RANBP3: variants seen among roughly 807,000 people sequenced by gnomAD.
RANBP3 encodes ran-binding protein 3.
Under a neutral mutation model 77.3 loss-of-function variants are expected in RANBP3, and 14 were observed. That is an observed-to-expected ratio of 0.18 (90% confidence interval 0.12 to 0.28). The LOEUF (loss-of-function observed/expected upper bound fraction) is 0.28. Among genes scored for constraint, RANBP3 ranks in the 10% least tolerant of loss-of-function variants. RANBP3 has a pLI of 1.00. For missense variants in RANBP3, 586 were observed against 752.3 expected (o/e 0.78, Z 2.59); for synonymous variants, 315 against 312.4 (o/e 1.01, Z -0.09).
intron 10 of RANBP3, chr19:5,925,245 A>G (rs1010465893): frequency 2.1e-6 from 1 of 475,048 alleles, no homozygotes; most frequent in African/African-American, 2.0e-5. Flanking sequence ...ATGTCAGTCA[A>G]GGACATGATG....
At chr19:5,935,383 G>C (rs900552165) in intron 5 of RANBP3, among the ~76,000 whole-genome samples, 1 of 152,236 alleles carries the variant, frequency 6.6e-6, no homozygotes, top group Non-Finnish European at 1.5e-5. Flanking sequence ...TGCAGGATGC[G>C]GGGGTGAGCC....
chr19:5,922,506 G>A (rs2057835939), intron 13 of RANBP3, among the ~76,000 whole-genome samples: 1 of 152,226 alleles, frequency 6.6e-6, no homozygotes, highest in Admixed American at 6.5e-5. Context: ...AGGGGACGGT[G>A]GGGTGGAACC....
chr19:5,928,845 G>A (rs547241718), intron 8 of RANBP3, among the ~76,000 whole-genome samples: 11 of 152,300 alleles, frequency 7.2e-5, no homozygotes, highest in African/African-American at 2.6e-4. Context: ...CTAGTAATTT[G>A]TATATGTCTT....
Position 5,945,094 on chromosome 19 carries a change from G to A in RANBP3, c.283-3259C>T, listed in dbSNP as rs185676011. Among the ~76,000 whole-genome samples, 447 of 152,272 alleles carry A rather than the reference G, an allele frequency of 2.9e-3. 1 individual carries two copies. The highest frequency in any genetic ancestry group is 6.8e-3 in the Middle Eastern group (2 of 294). The stretch of plus-strand genomic sequence containing the variant: ...TCTCTGTGGCTTATTCTGATCCTGG[G>A]AGTTGTGTCAGGGACTCCACTAGAC... On this transcript the variant is annotated intron_variant, in intron 3 of 16. Transcript: ENST00000340578.
At chr19:5,932,211 C>T (rs1015202178) in intron 7 of RANBP3, among the ~76,000 whole-genome samples, 1 of 152,214 alleles carries the variant, frequency 6.6e-6, no homozygotes, top group Non-Finnish European at 1.5e-5. Context: ...CACACAGTCA[C>T]ACTCAGCCGA....
Position 5,923,835 on chromosome 19 carries a change from G to T in RANBP3, c.1076C>A (p.Ser359Tyr). ...AAAESGSESS[S>Y]QEATPEKESL... The stretch of plus-strand genomic sequence containing the variant: ...ACCTTTCTCAGGGGTGGCCTCCTGG[G>T]ACGAGGACTCAGACCCTGACTCGGC... Residue 359 changes from serine to tyrosine, a missense_variant, in exon 12 of 17, where the codon TCC (serine) becomes TAC (tyrosine). Ser to Tyr is a moderately radical substitution (Grantham distance 144). Transcript: ENST00000340578. 1 of 1,613,958 alleles carries T rather than the reference G, an allele frequency of 6.2e-7. No individual in the cohort carries two copies. Among genetic ancestry groups the T allele is most frequent in the East Asian group, 2.2e-5 (1 of 44,882 alleles).
intron 1 of RANBP3, among the ~76,000 whole-genome samples, chr19:5,960,150 GA>G (rs1335182998): frequency 1.3e-5 from 2 of 152,050 alleles, no homozygotes; most frequent in Admixed American, 6.6e-5. Context: ...GTCACAGAGG[GA>G]GGGGGAAGAC....
chr19:5,919,404 G>C (rs1164423220), intron 14 of RANBP3, among the ~76,000 whole-genome samples: 1 of 152,182 alleles, frequency 6.6e-6, no homozygotes, highest in Non-Finnish European at 1.5e-5. Context: ...ACCTCCCTGA[G>C]CCCAGGTGCC....
chr19:5,961,368 G>A (rs957593085), intron 1 of RANBP3, among the ~76,000 whole-genome samples: 4 of 151,622 alleles, frequency 2.6e-5, no homozygotes, highest in Non-Finnish European at 4.4e-5. Flanking sequence ...CCAAGGTTGC[G>A]CCACTGCACT....
At chr19:5,977,626 C>G (rs902772584) in intron 1 of RANBP3, among the ~76,000 whole-genome samples, 7 of 148,448 alleles carry the variant, frequency 4.7e-5, no homozygotes, top group Non-Finnish European at 1.0e-4. Flanking sequence ...GATAGGCAGC[C>G]AGGCCGGGGA....
At chr19:5,957,260 T>C (rs1262967423) in intron 2 of RANBP3, among the ~76,000 whole-genome samples, 1 of 152,190 alleles carries the variant, frequency 6.6e-6, no homozygotes, top group Non-Finnish European at 1.5e-5. Flanking sequence ...GCACCCATCG[T>C]TGTCTTATCA....
intron 7 of RANBP3, among the ~76,000 whole-genome samples, 158 bp downstream of exon 7, chr19:5,932,294 C>T (rs527535096): frequency 7.9e-5 from 12 of 152,302 alleles, no homozygotes; most frequent in East Asian, 1.9e-4. Context: ...GGGCTGGAGA[C>T]GGCTGGGGGG....
At chr19:5,968,137 T>G (rs191545385) in intron 1 of RANBP3, among the ~76,000 whole-genome samples, 1 of 152,180 alleles carries the variant, frequency 6.6e-6, no homozygotes, top group African/African-American at 2.4e-5. Flanking sequence ...TGAGGCAACA[T>G]GCAAGTGGCT....
rs746054568 is a variant in RANBP3, at chr19:5,917,988, G to A, written c.1474-8C>T. The A allele has an allele frequency of 2.0e-5, 32 of 1,580,490 alleles. No individual in the cohort carries two copies. Among genetic ancestry groups the A allele is most frequent in the Non-Finnish European group, 2.8e-5 (32 of 1,159,684 alleles). On this transcript the variant is annotated splice_region_variant and splice_polypyrimidine_tract_variant and intron_variant, in intron 15 of 16. Transcript: ENST00000340578. ...TGTGTCCTTGGAGCTGGCCTGGGAA[G>A]GGAGGAGGGTATGAGACCCCCGGAC...
Position 5,917,574 on chromosome 19 carries a change from AAGC to A in RANBP3, c.*33_*35del. On this transcript the variant is annotated 3_prime_UTR_variant, in exon 17 of 17. Coordinates refer to ENST00000340578, the MANE Select transcript of RANBP3 (RefSeq NM_007322.3). ...GGGTGGGCGGGTGGATAGACGGACA[AAGC>A]AGCAGCCTGGTGTGCAGCCGGGCTC... 5 of 1,552,496 alleles carry A rather than the reference AAGC, an allele frequency of 3.2e-6. No homozygotes were observed. The highest frequency in any genetic ancestry group is 4.3e-6 in the Non-Finnish European group (5 of 1,152,190).
At position 5,929,198 on chromosome 19, in the gene RANBP3, T is replaced by C. The variant is rs145897912; in HGVS notation, c.694-1111A>G. Among the ~76,000 whole-genome samples, 852 of 152,340 alleles carry C rather than the reference T, an allele frequency of 5.6e-3. 3 individuals carry two copies. The highest frequency in any genetic ancestry group is 7.7e-3 in the Non-Finnish European group (526 of 68,034). On this transcript the variant is annotated intron_variant, in intron 8 of 16. Coordinates refer to ENST00000340578, the MANE Select transcript of RANBP3 (RefSeq NM_007322.3). The stretch of plus-strand genomic sequence containing the variant: ...GTTTCTCTACTGTGCTCCCTAGAAA[T>C]TCTGCTACTGCTGACTTCACGCTGC...
At position 5,917,673 on chromosome 19, in the gene RANBP3, C is replaced by G. The variant is rs1393874899; in HGVS notation, c.1661-20G>C. On this transcript the variant is annotated intron_variant, in intron 16 of 16. Coordinates refer to ENST00000340578, the MANE Select transcript of RANBP3 (RefSeq NM_007322.3). ...CAGCACCTGCAGGGAAGCAGCAGCC[C>G]CGCATCAGGATGGAGCCCGCACTTC... 1 of 1,605,096 alleles carries G rather than the reference C, an allele frequency of 6.2e-7. No homozygotes were observed. The highest frequency in any genetic ancestry group is 8.5e-7 in the Non-Finnish European group (1 of 1,178,518).
Position 5,921,264 on chromosome 19 carries a change from G to A in RANBP3, c.1267C>T (p.Arg423Trp). The A allele has an allele frequency of 1.2e-6, 2 of 1,613,750 alleles. No homozygotes were observed. Among genetic ancestry groups the A allele is most frequent in the Non-Finnish European group, 1.7e-6 (2 of 1,179,956 alleles). The change falls in exon 14 of 17, where the codon CGG becomes TGG. Residue 423 changes from arginine to tryptophan, a missense_variant. By Grantham distance (101) the Arg-to-Trp change is moderately radical (BLOSUM62 -3). This residue lies in a region of RANBP3 where 51 missense variants were observed against 123.2 expected (regional missense o/e 0.41). Coordinates refer to ENST00000340578, the MANE Select transcript of RANBP3 (RefSeq NM_007322.3). This position sits in a 1 kb window ranked among gnomAD's most constrained non-coding sequence, Gnocchi z 5.3. Reference sequence around the variant, plus strand: ...ATGTCATTGAGTCTGAGCAGCCCCCGGCCTCTCTCCACCCAGGACTGTGAG... The same window carrying A: ...ATGTCATTGAGTCTGAGCAGCCCCCAGCCTCTCTCCACCCAGGACTGTGAG... The part of the protein sequence containing the change: ...KTSQSWVERG[R>W]GLLRLNDMAS...
intron 3 of RANBP3, chr19:5,950,875 G>C (rs964630505): frequency 6.3e-6 from 1 of 159,360 alleles, no homozygotes; most frequent in Non-Finnish European, 1.4e-5. Context: ...TCTTCTTCCT[G>C]CTTTGATTGA....
Sources: allele counts gnomAD v4.1 joint callset (sites outside exome capture counted in the v4.1 genomes callset), GRCh38; gene constraint gnomAD v4.1.1; regional missense constraint gnomAD v4.1.1; non-coding constraint Gnocchi (gnomAD v3.1); transcripts MANE v1.5; gene names NCBI Gene and HGNC (gene_info 2026-07-23, HGNC 2026-07-21).